SDE2: variants seen among roughly 807,000 people sequenced by gnomAD.
The protein encoded by SDE2 is spliceosome associated SDE2, also known as splicing regulator SDE2.
Under a neutral mutation model 46.9 loss-of-function variants are expected in SDE2, and 31 were observed. The ratio of observed to expected loss-of-function variants is 0.66; its 90% CI spans 0.50 to 0.89. The LOEUF (loss-of-function observed/expected upper bound fraction) is 0.89, where lower values mean the gene tolerates loss of function less well. Among genes scored for constraint, SDE2 ranks in the 40% least tolerant of loss-of-function variants. The probability of loss-of-function intolerance (pLI) is 0.00; values close to 1 mark genes in which losing one functional copy is unlikely to be tolerated. For missense variants in SDE2, 542 were observed against 564.4 expected (o/e 0.96, Z 0.40); for synonymous variants, 205 against 204.3 (o/e 1.00, Z -0.03).
chr1:225,993,392 A>G (rs533780861), intron 2 of SDE2, among the ~76,000 whole-genome samples: 37 of 152,254 alleles, frequency 2.4e-4, no homozygotes, highest in Admixed American at 8.5e-4. Context: ...CGGGCAGATC[A>G]TGAGGTCAGG....
intron 1 of SDE2, among the ~76,000 whole-genome samples, chr1:225,997,377 A>G (rs1422814489): frequency 6.6e-6 from 1 of 151,998 alleles, no homozygotes; most frequent in Non-Finnish European, 1.5e-5. Flanking sequence ...TTCTATTCAT[A>G]TTTGCTATGG....
At position 225,992,891 on chromosome 1, in the gene SDE2, G is replaced by A. The variant is rs200982731; in HGVS notation, c.350C>T (p.Ala117Val). The change falls in exon 3 of 7, where the codon GCA (alanine) becomes GTA (valine). Residue 117 changes from alanine to valine, a missense_variant and splice_region_variant. Transcript: ENST00000272091. ...ACACAAAAAAAGGTGGGCATCTTAC[G>A]CTTTTTCATGATTGACATCGCGTAG... is the stretch of plus-strand genomic sequence containing the variant. ...RRLRDVNHEK[A>V]MAEWVKQQAE... 156 of 1,584,602 alleles carry A rather than the reference G, an allele frequency of 9.8e-5. No homozygotes were observed. Among genetic ancestry groups the A allele is most frequent in the Non-Finnish European group, 1.1e-4 (132 of 1,153,610 alleles).
chr1:225,987,078 T>C (rs1214079697), intron 6 of SDE2, among the ~76,000 whole-genome samples: 1 of 152,240 alleles, frequency 6.6e-6, no homozygotes, highest in African/African-American at 2.4e-5. Context: ...AGTCTCACTC[T>C]GTCGCCCAGG....
At chr1:225,990,021 G>A (rs1656362721) in intron 5 of SDE2, among the ~76,000 whole-genome samples, 1 of 151,236 alleles carries the variant, frequency 6.6e-6, no homozygotes, top group Non-Finnish European at 1.5e-5. Flanking sequence ...GCTTCAGTGA[G>A]CCGAGATCGC....
Position 225,985,848 on chromosome 1 carries a change from T to C in SDE2, c.1135-325A>G, listed in dbSNP as rs575082102. On this transcript the variant is annotated intron_variant, in intron 6 of 6. Coordinates refer to ENST00000272091, the MANE Select transcript of SDE2 (RefSeq NM_152608.4). ...AAATATAGCCAGCCTATCCCCACAC[T>C]ATTCCCACAGAAAGAGCAGGCACTC... 2.6e-5 allele frequency among the ~76,000 whole-genome samples: 4 copies of C among 152,312 alleles called. No individual in the cohort carries two copies. The South Asian group carries it at 6.2e-4, about 24-fold the overall frequency.
At chr1:225,997,034 G>T (rs1656542418) in intron 1 of SDE2, among the ~76,000 whole-genome samples, 1 of 152,192 alleles carries the variant, frequency 6.6e-6, no homozygotes, top group Non-Finnish European at 1.5e-5. Flanking sequence ...ATATTCTATG[G>T]TTTTTGAGAC....
intron 5 of SDE2, among the ~76,000 whole-genome samples, 156 bp downstream of exon 5, chr1:225,991,087 G>A (rs1476686356): frequency 6.6e-6 from 1 of 152,178 alleles, no homozygotes; most frequent in Non-Finnish European, 1.5e-5. Context: ...CCAGTACAAT[G>A]TGACAATCAC....
intron 1 of SDE2, among the ~76,000 whole-genome samples, chr1:225,998,035 G>A (rs1656570312): frequency 6.6e-6 from 1 of 152,046 alleles, no homozygotes; most frequent in Non-Finnish European, 1.5e-5. Flanking sequence ...GCTGAGGCAG[G>A]AGAACCGCTT....
At chr1:225,996,652 C>T (rs1037941117) in intron 1 of SDE2, among the ~76,000 whole-genome samples, 4 of 152,178 alleles carry the variant, frequency 2.6e-5, no homozygotes, top group Non-Finnish European at 4.4e-5. Context: ...ATAAACCTGT[C>T]AAACTTACTG....
chr1:225,996,179 G>A (rs879636316), intron 1 of SDE2, among the ~76,000 whole-genome samples: 8 of 152,296 alleles, frequency 5.3e-5, no homozygotes, highest in South Asian at 2.1e-4. Flanking sequence ...ATATAATGGC[G>A]GGAGAGAGGA....
At chr1:225,989,250 C>T (rs1418634878) in intron 5 of SDE2, among the ~76,000 whole-genome samples, 11 of 148,510 alleles carry the variant, frequency 7.4e-5, no homozygotes, top group Non-Finnish European at 1.2e-4. Flanking sequence ...AAGCCATCAT[C>T]GCACCACTGC....
At chr1:225,997,839 T>C (rs1301580728) in intron 1 of SDE2, among the ~76,000 whole-genome samples, 1 of 152,202 alleles carries the variant, frequency 6.6e-6, no homozygotes. Flanking sequence ...GTTTGAAAAC[T>C]GTACTCATAG....
At chr1:225,996,671 C>A (rs1656534484) in intron 1 of SDE2, among the ~76,000 whole-genome samples, 2 of 152,182 alleles carry the variant, frequency 1.3e-5, no homozygotes, top group African/African-American at 4.8e-5. Flanking sequence ...TGATTCACTG[C>A]AACGAGGGGA....
At position 225,983,037 on chromosome 1, in the gene SDE2, T is replaced by G. The variant is rs1044972197; in HGVS notation, c.*2265A>C. On this transcript the variant is annotated 3_prime_UTR_variant, in exon 7 of 7. Transcript: ENST00000272091. ...ATTAAAATACAATTATAAAATAATCTTATCTAAACAGGAAACATGTAAATT... is the reference window on the plus strand; with the variant it reads ...ATTAAAATACAATTATAAAATAATCGTATCTAAACAGGAAACATGTAAATT... The G allele has an allele frequency of 4.6e-5, 7 of 152,248 alleles. No homozygotes were observed. Among genetic ancestry groups the G allele is most frequent in the African/African-American group, 1.7e-4 (7 of 41,568 alleles). The allele number at this position is 152,248 out of a possible 1,614,324, so 9.4% of individuals were successfully genotyped here.
intron 2 of SDE2, among the ~76,000 whole-genome samples, chr1:225,995,021 G>A (rs929126114): frequency 6.6e-6 from 1 of 152,140 alleles, no homozygotes; most frequent in Non-Finnish European, 1.5e-5. Context: ...TCCAGCCTGG[G>A]CGACAAAACA....
At chr1:225,992,685 G>T in intron 3 of SDE2, 118 bp from the exon 4 acceptor site, 1 of 736,168 alleles carries the variant, frequency 1.4e-6, no homozygotes, top group South Asian at 1.8e-5. Flanking sequence ...CTCTTAGAAA[G>T]GTGAGCCATG....
chr1:225,985,040 AAT>A lies in SDE2; in HGVS notation c.*260_*261del, dbSNP rs1210354077. Reference sequence around the variant, plus strand: ...ATTTCTTGGATAGATTCATTACCTAAATGACACCAAGATCAAACCAAAAAATG... The same window carrying A: ...ATTTCTTGGATAGATTCATTACCTAAGACACCAAGATCAAACCAAAAAATG... On this transcript the variant is annotated 3_prime_UTR_variant, in exon 7 of 7. Coordinates refer to ENST00000272091, the MANE Select transcript of SDE2 (RefSeq NM_152608.4). 2 of 440,424 alleles carry A rather than the reference AAT, an allele frequency of 4.5e-6. No individual in the cohort carries two copies. The highest frequency in any genetic ancestry group is 8.1e-6 in the Non-Finnish European group (2 of 246,780). 27.3% of individuals were successfully genotyped at this position (440,424 alleles called of 1,614,324 possible). A position where few individuals can be genotyped will look rare whatever the true frequency, so the allele number is the denominator to read the frequency against.
chr1:225,985,818 C>G (rs1474058413), intron 6 of SDE2, among the ~76,000 whole-genome samples: 1 of 152,106 alleles, frequency 6.6e-6, no homozygotes, highest in African/African-American at 2.4e-5. Flanking sequence ...AACATCTAAA[C>G]AGTAAAATAT....
intron 1 of SDE2, among the ~76,000 whole-genome samples, chr1:225,997,479 G>A (rs1183804481): frequency 2.0e-5 from 3 of 152,020 alleles, no homozygotes; most frequent in Non-Finnish European, 4.4e-5. Flanking sequence ...ACCCAGTTTG[G>A]AGTGCAATGG....
Sources: allele counts gnomAD v4.1 joint callset (sites outside exome capture counted in the v4.1 genomes callset), GRCh38; gene constraint gnomAD v4.1.1; transcripts MANE v1.5; gene names NCBI Gene and HGNC (gene_info 2026-07-23, HGNC 2026-07-21).